The following SLC22A23 variants were observed in gnomAD, a reference collection of about 807,000 sequenced individuals.
SLC22A23 encodes the protein ion transporter protein.
SLC22A23 carries 26 observed loss-of-function variants against 61.0 expected under a neutral mutation model. That is an observed-to-expected ratio of 0.43 (90% CI 0.31 to 0.59). The LOEUF is 0.59. Ranked by LOEUF, SLC22A23 falls within the 20% of genes least tolerant of loss-of-function variation. The pLI is 0.11. For synonymous variants in SLC22A23, 430 were observed against 413.9 expected (o/e 1.04, Z -0.47); for missense variants, 796 against 934.7 (o/e 0.85, Z 1.94).
chr6:3,323,437 G>A (rs1763083415), intron 4 of SLC22A23: 1 of 426,722 alleles, frequency 2.3e-6, no homozygotes, highest in Admixed American at 2.9e-5. Flanking sequence ...AAGAGATAGG[G>A]GGACTTTTGT....
At chr6:3,394,503 C>T (rs114559615) in intron 3 of SLC22A23, among the ~76,000 whole-genome samples, 346 of 152,338 alleles carry the variant, frequency 2.3e-3, no homozygotes, top group Middle Eastern at 3.4e-3. Flanking sequence ...ATTAGTTCTC[C>T]ATTTAACTTT....
At chr6:3,284,790 T>C in intron 8 of SLC22A23, 1 of 997,436 alleles carries the variant, frequency 1.0e-6, no homozygotes. Context: ...CAAAGCATGT[T>C]GGCGCCGGGC....
At chr6:3,280,552 G>A (rs1331260740) in intron 9 of SLC22A23, among the ~76,000 whole-genome samples, 1 of 144,228 alleles carries the variant, frequency 6.9e-6, no homozygotes, top group Non-Finnish European at 1.5e-5. Flanking sequence ...CTGGAGTGCA[G>A]TGGCGCGATC....
chr6:3,415,664 G>T, intron 2 of SLC22A23, 88 bp downstream of exon 2: 1 of 909,630 alleles, frequency 1.1e-6, no homozygotes, highest in Non-Finnish European at 1.7e-6. Context: ...AGACAGTCAT[G>T]GTAAGCTAAC....
At chr6:3,295,125 C>T (rs922066398) in intron 5 of SLC22A23, among the ~76,000 whole-genome samples, 6 of 152,280 alleles carry the variant, frequency 3.9e-5, no homozygotes, top group African/African-American at 1.4e-4. Context: ...AAGTGTCTGG[C>T]TCTACAGACG....
Position 3,422,913 on chromosome 6 carries a change from C to A in SLC22A23, c.655-7058G>T, listed in dbSNP as rs575886631. 2.6e-5 allele frequency among the ~76,000 whole-genome samples: 4 copies of A among 152,272 alleles called. No homozygotes were observed. In the East Asian group the frequency reaches 5.8e-4, roughly 22 times the overall value. ...AACTCTAGCAGACCTGCATTCTGAG[C>A]CTCTCTAAGGAAACCCACCCCAGAG... On this transcript the variant is annotated intron_variant, in intron 1 of 9. Transcript: ENST00000406686.
Position 3,360,325 on chromosome 6 carries a change from C to T in SLC22A23, c.914-36323G>A, listed in dbSNP as rs910232371. On this transcript the variant is annotated intron_variant, in intron 3 of 9. Coordinates refer to ENST00000406686, the MANE Select transcript of SLC22A23 (RefSeq NM_015482.2). This position sits in a 1 kb window ranked among gnomAD's most constrained non-coding sequence, Gnocchi z 4.6. Reference sequence around the variant, plus strand: ...CCAAATAAAACAACAACAAAAAAGGCAAGTCCGTAGTATTGGCCTTTGAGA... The same window carrying T: ...CCAAATAAAACAACAACAAAAAAGGTAAGTCCGTAGTATTGGCCTTTGAGA... Among the ~76,000 whole-genome samples, 3 of 152,190 alleles carry T rather than the reference C, an allele frequency of 2.0e-5. No homozygotes were observed. Among genetic ancestry groups the T allele is most frequent in the African/African-American group, 7.2e-5 (3 of 41,440 alleles).
chr6:3,280,897 G>A (rs556324919), intron 9 of SLC22A23, among the ~76,000 whole-genome samples: 78 of 152,228 alleles, frequency 5.1e-4, no homozygotes, highest in Admixed American at 2.9e-3. Context: ...GCATTAGAGC[G>A]GAAGACAGAT....
chr6:3,306,109 G>C (rs1761955790), intron 4 of SLC22A23, among the ~76,000 whole-genome samples: 1 of 152,210 alleles, frequency 6.6e-6, no homozygotes, highest in Admixed American at 6.5e-5. Context: ...TGGAGGGCAA[G>C]GGGAGCTGGC....
intron 3 of SLC22A23, among the ~76,000 whole-genome samples, chr6:3,338,694 T>C (rs966447411): frequency 4.6e-5 from 7 of 152,268 alleles, no homozygotes; most frequent in Admixed American, 3.9e-4. Context: ...TCTTCCCTTT[T>C]AGTTGCATCC....
At chr6:3,280,006 C>T (rs535102419) in intron 9 of SLC22A23, among the ~76,000 whole-genome samples, 31 of 152,252 alleles carry the variant, frequency 2.0e-4, no homozygotes, top group South Asian at 1.5e-3. Flanking sequence ...ATTGAAACAC[C>T]CGAGGCGAGG....
At position 3,392,717 on chromosome 6, in the gene SLC22A23, G is replaced by C. The variant is rs1254757584; in HGVS notation, c.913+17471C>G. 1.2e-4 allele frequency among the ~76,000 whole-genome samples: 18 copies of C among 152,170 alleles called. 1 individual carries two copies. Among genetic ancestry groups the C allele is most frequent in the Admixed American group, 1.1e-3 (17 of 15,272 alleles). On this transcript the variant is annotated intron_variant, in intron 3 of 9. Transcript: ENST00000406686. ...GGTGACTCTTACCCATTTTTGGCTT[G>C]AGCAACTGCATGGATAATGGTTCTA...
At chr6:3,416,360 C>T (rs1045196599) in intron 1 of SLC22A23, among the ~76,000 whole-genome samples, 3 of 152,210 alleles carry the variant, frequency 2.0e-5, no homozygotes, top group Admixed American at 6.5e-5. Context: ...AAAATAAAAG[C>T]GAGCATTAGT....
At chr6:3,397,041 C>T (rs1051350983) in intron 3 of SLC22A23, among the ~76,000 whole-genome samples, 3 of 152,194 alleles carry the variant, frequency 2.0e-5, no homozygotes, top group Admixed American at 6.5e-5. Flanking sequence ...GAGCTGTAAA[C>T]ATTCACCCAT....
chr6:3,336,495 G>A (rs761719253), intron 3 of SLC22A23, among the ~76,000 whole-genome samples: 2 of 152,272 alleles, frequency 1.3e-5, no homozygotes, highest in Non-Finnish European at 1.5e-5. Flanking sequence ...CCATGATTTC[G>A]TCCCAGGCCT....
In SLC22A23 at chr6:3,270,288, G is replaced by A. The variant is rs1285781961; in HGVS notation, c.*2767C>T. On this transcript the variant is annotated 3_prime_UTR_variant, in exon 10 of 10. Transcript: ENST00000406686. The stretch of plus-strand genomic sequence containing the variant: ...GAGGGGTTCAAGCGTGACAGACGGT[G>A]CTGGGAAGTGGGCAGCCGTAGCAGC... The A allele has an allele frequency of 6.6e-6, 1 of 152,408 alleles. No individual in the cohort carries two copies. The highest frequency in any genetic ancestry group is 1.5e-5 in the Non-Finnish European group (1 of 68,094). 9.4% of individuals were successfully genotyped at this position (152,408 alleles called of 1,614,324 possible). A position where few individuals can be genotyped will look rare whatever the true frequency, so the allele number is the denominator to read the frequency against.
At chr6:3,438,503 C>CACTT in intron 1 of SLC22A23, 1 of 456,740 alleles carries the variant, frequency 2.2e-6, no homozygotes, top group Non-Finnish European at 4.4e-6. Context: ...CGGCCTCCAG[C>CACTT]GCTTGGTGTC....
intron 5 of SLC22A23, among the ~76,000 whole-genome samples, chr6:3,295,680 G>A (rs1761027504): frequency 6.6e-6 from 1 of 152,332 alleles, no homozygotes; most frequent in East Asian, 1.9e-4. Flanking sequence ...CCTGGGCAGA[G>A]GAAGCTGGAA....
In SLC22A23 at chr6:3,322,875, C is replaced by T. The variant is rs147718919; in HGVS notation, c.1082+959G>A. Among the ~76,000 whole-genome samples, 234 of 152,238 alleles carry T rather than the reference C, an allele frequency of 1.5e-3. No homozygotes were observed. The highest frequency in any genetic ancestry group is 5.5e-3 in the African/African-American group (227 of 41,534). On this transcript the variant is annotated intron_variant, in intron 4 of 9. Coordinates refer to ENST00000406686, the MANE Select transcript of SLC22A23 (RefSeq NM_015482.2). This position sits in a 1 kb window ranked among gnomAD's most constrained non-coding sequence, Gnocchi z 4.1. ...TTGACTAAATAGTAGCAATACAGGG[C>T]CACATCCATGATCTACTTATGGGTA... is the stretch of plus-strand genomic sequence containing the variant.
Sources: gnomAD v4.1 joint callset for allele counts (sites outside exome capture counted in the v4.1 genomes callset) on GRCh38, gnomAD v4.1.1 for gene constraint, Gnocchi (gnomAD v3.1) non-coding constraint, MANE v1.5 for transcripts, NCBI Gene and HGNC (gene_info 2026-07-23, HGNC 2026-07-21) for gene names.